Variants in OR6N1 observed in about 807,000 individuals in gnomAD.
The protein encoded by OR6N1 is olfactory receptor 6N1.
For missense variants in OR6N1, 394 were observed against 371.7 expected (o/e 1.06, Z -0.49); for synonymous variants, 170 against 150.7 (o/e 1.13, Z -0.94).
chr1:158,779,018 C>CAAAAAAAAAAAAAAAAAAA, the OR6N1 span, among the ~76,000 whole-genome samples: 2 of 86,356 alleles, frequency 2.3e-5, no homozygotes, highest in African/African-American at 5.6e-5. Flanking sequence ...GACTGCGTCT[C>CAAAAAAAAAAAAAAAAAAA]AAAAAAAAAA....
the OR6N1 span, among the ~76,000 whole-genome samples, chr1:158,804,047 A>G: frequency 1.3e-5 from 2 of 152,200 alleles, no homozygotes; most frequent in Non-Finnish European, 2.9e-5. Context: ...GCAGGAGGCA[A>G]TGTTCAAATC....
chr1:158,766,123 A>AGGAGGG lies in OR6N1; in HGVS notation c.559_560insCCCTCC (p.Ser186_Leu187insSerLeu). 1 of 1,614,180 alleles carries AGGAGGG rather than the reference A, an allele frequency of 6.2e-7. No homozygotes were observed. The stretch of plus-strand genomic sequence containing the variant: ...ATTTATAGACGTATCAGTGCAAGCC[A>AGGAGGG]AACTCAGCACAGGAGGGAAGTCACA... On this transcript the variant is annotated inframe_insertion, in exon 2 of 2. Transcript: ENST00000641846.
chr1:158,788,368 A>G, the OR6N1 span, among the ~76,000 whole-genome samples: 1 of 152,222 alleles, frequency 6.6e-6, no homozygotes, highest in Non-Finnish European at 1.5e-5. Context: ...TTTATTAGAC[A>G]TATAAAATGT....
At chr1:158,820,174 C>T in the OR6N1 span, among the ~76,000 whole-genome samples, 1 of 152,214 alleles carries the variant, frequency 6.6e-6, no homozygotes, top group East Asian at 1.9e-4. Context: ...GGCTTAAGAA[C>T]TCCTTAAGCA....
chr1:158,772,773 A>G (rs761891921), upstream of OR6N1, among the ~76,000 whole-genome samples: 6 of 152,152 alleles, frequency 3.9e-5, no homozygotes, highest in Non-Finnish European at 8.8e-5. Context: ...TCTTCCAAAT[A>G]CTTATGAGAC....
chr1:158,828,856 GA>G, the OR6N1 span, among the ~76,000 whole-genome samples: 1 of 152,286 alleles, frequency 6.6e-6, no homozygotes, highest in African/African-American at 2.4e-5. Flanking sequence ...TACATCTTCT[GA>G]AATCTAGGCA....
At chr1:158,802,812 A>G in the OR6N1 span, among the ~76,000 whole-genome samples, 1 of 152,114 alleles carries the variant, frequency 6.6e-6, no homozygotes, top group Non-Finnish European at 1.5e-5. Context: ...TACCATTATT[A>G]TTACCCAGGC....
chr1:158,806,875 T>C, the OR6N1 span, among the ~76,000 whole-genome samples: 1 of 151,830 alleles, frequency 6.6e-6, no homozygotes, highest in African/African-American at 2.4e-5. Context: ...GTGCTATAGG[T>C]GCCTGTAATC....
At chr1:158,811,831 G>A in the OR6N1 span, among the ~76,000 whole-genome samples, 1 of 152,140 alleles carries the variant, frequency 6.6e-6, no homozygotes, top group Admixed American at 6.6e-5. Context: ...TCCTGAGAGG[G>A]CTGGAATTAT....
In OR6N1 at chr1:158,765,997, G is replaced by A. The variant is rs763797344; in HGVS notation, c.686C>T (p.Pro229Leu). 1.5e-5 allele frequency: 24 copies of A among 1,614,056 alleles called. No individual in the cohort carries two copies. The highest frequency in any genetic ancestry group is 3.3e-5 in the Admixed American group (2 of 59,998). Residue 229 changes from proline to leucine, a missense_variant, in exon 2 of 2, where the codon CCC becomes CTC. Physicochemically the swap from Pro to Leu is moderately conservative, Grantham distance 98. Transcript: ENST00000641846. ...VQIICTVLRIPSAAGKRKAIS... is the reference protein window; with the variant it reads ...VQIICTVLRILSAAGKRKAIS... The stretch of plus-strand genomic sequence containing the variant: ...GGCCTTCCTCTTGCCGGCAGCTGAG[G>A]GAATTCTGAGCACTGTGCAGATGAT...
the OR6N1 span, among the ~76,000 whole-genome samples, chr1:158,793,012 C>T: frequency 1.3e-5 from 2 of 152,050 alleles, no homozygotes; most frequent in African/African-American, 4.8e-5. Context: ...ACTTTGAAAC[C>T]TTGCCTTTGA....
the OR6N1 span, among the ~76,000 whole-genome samples, chr1:158,819,940 TAG>T: frequency 5.2e-3 from 798 of 152,128 alleles, 6 homozygotes; most frequent in African/African-American, 0.018. Context: ...CACAGAAATA[TAG>T]AGTGTGGAAT....
the OR6N1 span, chr1:158,781,074 G>C: frequency 6.6e-6 from 1 of 152,142 alleles, no homozygotes; most frequent in Non-Finnish European, 1.5e-5. Flanking sequence ...CCAATTGTTG[G>C]ATTTCAAAGT....
At chr1:158,767,521 A>G (rs1431045452) in intron 1 of OR6N1, among the ~76,000 whole-genome samples, 1 of 152,204 alleles carries the variant, frequency 6.6e-6, no homozygotes, top group Non-Finnish European at 1.5e-5. Flanking sequence ...ACAATAATTG[A>G]TTATTTTCAG....
At chr1:158,818,500 T>C in the OR6N1 span, among the ~76,000 whole-genome samples, 2 of 152,180 alleles carry the variant, frequency 1.3e-5, no homozygotes, top group Non-Finnish European at 2.9e-5. Flanking sequence ...AGTAAGCTCA[T>C]GCTCAAGAAG....
At chr1:158,830,122 T>A in the OR6N1 span, among the ~76,000 whole-genome samples, 1 of 152,168 alleles carries the variant, frequency 6.6e-6, no homozygotes, top group African/African-American at 2.4e-5. Flanking sequence ...CAGAAAGCTG[T>A]CCTGAAACAT....
chr1:158,780,998 A>T, the OR6N1 span, among the ~76,000 whole-genome samples: 1 of 152,222 alleles, frequency 6.6e-6, no homozygotes, highest in African/African-American at 2.4e-5. Context: ...TCCAAATCTG[A>T]TACTCTAAGA....
Position 158,765,482 on chromosome 1 carries a change from T to C in OR6N1, c.*262A>G. 2.8e-6 allele frequency: 1 copy of C among 361,442 alleles called. No individual in the cohort carries two copies. The highest frequency in any genetic ancestry group is 7.6e-4 in the Middle Eastern group (1 of 1,310). 22.4% of individuals were successfully genotyped at this position (361,442 alleles called of 1,614,324 possible). A position where few individuals can be genotyped will look rare whatever the true frequency, so the allele number is the denominator to read the frequency against. On this transcript the variant is annotated 3_prime_UTR_variant, in exon 2 of 2. Transcript: ENST00000641846. ...TTAAAAAAAACCTAAGTGTGATACA[T>C]AAACATCTGAGTTTTGAAAATCACT...
chr1:158,769,963 C>T (rs2102009578), intron 1 of OR6N1, among the ~76,000 whole-genome samples: 1 of 152,202 alleles, frequency 6.6e-6, no homozygotes, highest in African/African-American at 2.4e-5. Context: ...AAGGATTATC[C>T]CTAAATTTCT....
Sources: allele counts gnomAD v4.1 joint callset (sites outside exome capture counted in the v4.1 genomes callset), GRCh38; gene constraint gnomAD v4.1.1; transcripts MANE v1.5; gene names NCBI Gene and HGNC (gene_info 2026-07-23, HGNC 2026-07-21).